The following LRRC4C variants were observed in gnomAD, a reference collection of about 807,000 sequenced individuals.
LRRC4C encodes the protein leucine rich repeat containing 4C.
Under a neutral mutation model 33.6 loss-of-function variants are expected in LRRC4C, and 5 were observed. The ratio of observed to expected loss-of-function variants is 0.15; its 90% CI spans 0.08 to 0.31. LRRC4C has a LOEUF of 0.31. Ranked by LOEUF, LRRC4C falls within the 10% of genes least tolerant of loss-of-function variation. LRRC4C has a pLI of 1.00. For missense variants in LRRC4C, 560 were observed against 796.7 expected (o/e 0.70, Z 3.58); for synonymous variants, 329 against 302.0 (o/e 1.09, Z -0.93).
At chr11:40,708,431 T>A (rs1341912643) in intron 2 of LRRC4C, among the ~76,000 whole-genome samples, 1 of 152,216 alleles carries the variant, frequency 6.6e-6, no homozygotes, top group East Asian at 1.9e-4. Context: ...CTCATTGGTT[T>A]CAAAGAACAT....
intron 3 of LRRC4C, among the ~76,000 whole-genome samples, chr11:40,324,660 A>G (rs1377749973): frequency 3.3e-5 from 5 of 152,240 alleles, no homozygotes; most frequent in African/African-American, 1.2e-4. Flanking sequence ...TCTTGAAAGC[A>G]TGAGAAAGAA....
At chr11:40,932,303 A>G (rs1213997020) in intron 2 of LRRC4C, among the ~76,000 whole-genome samples, 1 of 151,828 alleles carries the variant, frequency 6.6e-6, no homozygotes, top group Non-Finnish European at 1.5e-5. Context: ...TGGAAATGCA[A>G]TGCACAATGA....
chr11:41,427,221 T>G (rs771068129), intron 1 of LRRC4C, among the ~76,000 whole-genome samples: 1 of 151,926 alleles, frequency 6.6e-6, no homozygotes, highest in Non-Finnish European at 1.5e-5. Context: ...CTTAGAGTTC[T>G]GGAAGTTTAT....
chr11:40,820,173 A>G (rs1951871214), intron 2 of LRRC4C, among the ~76,000 whole-genome samples: 1 of 152,100 alleles, frequency 6.6e-6, no homozygotes, highest in Admixed American at 6.6e-5. Context: ...TAGTCAATAG[A>G]AACTGTCTAA....
intron 2 of LRRC4C, among the ~76,000 whole-genome samples, chr11:40,918,265 A>G (rs1957041972): frequency 6.6e-6 from 1 of 152,114 alleles, no homozygotes; most frequent in African/African-American, 2.4e-5. Context: ...ACAGCATTCC[A>G]AAATTTAAAG....
chr11:40,546,453 C>A (rs1205317708), intron 3 of LRRC4C, among the ~76,000 whole-genome samples: 1 of 151,980 alleles, frequency 6.6e-6, no homozygotes, highest in Non-Finnish European at 1.5e-5. Context: ...ACATTGGGAT[C>A]AATTTTACAT....
chr11:40,501,276 T>C (rs1406981516), intron 3 of LRRC4C, among the ~76,000 whole-genome samples: 1 of 152,120 alleles, frequency 6.6e-6, no homozygotes, highest in African/African-American at 2.4e-5. Context: ...ATGCAACCTG[T>C]CGGTGGAGCT....
intron 1 of LRRC4C, among the ~76,000 whole-genome samples, chr11:41,184,407 C>T (rs1945595904): frequency 6.6e-6 from 1 of 152,072 alleles, no homozygotes; most frequent in African/African-American, 2.4e-5. Context: ...GCCAAATACC[C>T]TAAATCATCT....
At chr11:41,159,725 C>T (rs933351881) in intron 1 of LRRC4C, among the ~76,000 whole-genome samples, 2 of 151,886 alleles carry the variant, frequency 1.3e-5, no homozygotes, top group Non-Finnish European at 2.9e-5. Flanking sequence ...ATGTATTTGA[C>T]CCTGGAAAAG....
At chr11:40,522,655 T>A (rs1955869232) in intron 3 of LRRC4C, among the ~76,000 whole-genome samples, 2 of 152,166 alleles carry the variant, frequency 1.3e-5, no homozygotes, top group South Asian at 4.1e-4. Flanking sequence ...ACATTTGAAC[T>A]TTTTCATGTA....
intron 1 of LRRC4C, among the ~76,000 whole-genome samples, chr11:41,295,348 G>GT (rs1353299512): frequency 2.0e-5 from 3 of 152,058 alleles, no homozygotes; most frequent in African/African-American, 4.8e-5. Context: ...ACAATATGCG[G>GT]TAAAAAAAAG....
chr11:41,093,064 A>T (rs1439038645), intron 1 of LRRC4C, among the ~76,000 whole-genome samples: 1 of 152,216 alleles, frequency 6.6e-6, no homozygotes, highest in Non-Finnish European at 1.5e-5. Context: ...GAAAATATAC[A>T]CACCCATAGA....
rs147119487 is a variant in LRRC4C at position 40,976,688 on chromosome 11, A to G, written c.-495-42965T>C. ...CAGTGTTTTATTTCCTTGGTCATGA[A>G]GGCAAAACAATAGAAGAGAGAGTAT... On this transcript the variant is annotated intron_variant, in intron 1 of 6. Transcript: ENST00000528697. Among the ~76,000 whole-genome samples the G allele has an allele frequency of 5.1e-4, 78 of 152,264 alleles. No homozygotes were observed. The East Asian group carries it at 0.012, about 23-fold the overall frequency.
chr11:41,367,941 AC>A (rs1157736628), intron 1 of LRRC4C, among the ~76,000 whole-genome samples: 4 of 152,164 alleles, frequency 2.6e-5, no homozygotes, highest in Non-Finnish European at 5.9e-5. Flanking sequence ...TCAGAGTCTT[AC>A]CCAAACCAGG....
chr11:41,409,029 C>T (rs1011658683), intron 1 of LRRC4C, among the ~76,000 whole-genome samples: 4 of 152,132 alleles, frequency 2.6e-5, no homozygotes, highest in Non-Finnish European at 4.4e-5. Flanking sequence ...TGCAGGGTCA[C>T]ACTGTGTGTA....
intron 2 of LRRC4C, among the ~76,000 whole-genome samples, chr11:40,729,557 A>G (rs1293888079): frequency 1.3e-5 from 2 of 152,144 alleles, no homozygotes; most frequent in Admixed American, 6.5e-5. Flanking sequence ...AGGTAAGATC[A>G]TTCCCCAAAG....
At chr11:40,779,350 T>C (rs1245207123) in intron 2 of LRRC4C, among the ~76,000 whole-genome samples, 2 of 152,328 alleles carry the variant, frequency 1.3e-5, no homozygotes, top group Admixed American at 6.5e-5. Context: ...CCCAGAATGT[T>C]AACCTAATGC....
At chr11:41,285,233 A>T (rs984776854) in intron 1 of LRRC4C, among the ~76,000 whole-genome samples, 3 of 152,142 alleles carry the variant, frequency 2.0e-5, no homozygotes, top group African/African-American at 7.2e-5. Context: ...CCATCAATCC[A>T]TCCATCAATT....
intron 2 of LRRC4C, among the ~76,000 whole-genome samples, chr11:40,859,677 T>C (rs1182537839): frequency 6.6e-6 from 1 of 152,106 alleles, no homozygotes; most frequent in Non-Finnish European, 1.5e-5. Flanking sequence ...TTTTTCACAC[T>C]CGCCAAAAGA....
Sources: gnomAD v4.1 joint callset for allele counts (sites outside exome capture counted in the v4.1 genomes callset) on GRCh38, gnomAD v4.1.1 for gene constraint, MANE v1.5 for transcripts, NCBI Gene and HGNC (gene_info 2026-07-23, HGNC 2026-07-21) for gene names.